The following POU2F1 variants were observed in gnomAD, a reference collection of about 807,000 sequenced individuals.
POU2F1 encodes POU domain, class 2, transcription factor 1.
A neutral mutation model predicts 84.9 loss-of-function variants in POU2F1; 16 were observed. The ratio of observed to expected loss-of-function variants is 0.19; its 90% CI spans 0.13 to 0.29. POU2F1 has a LOEUF of 0.29. Ranked by LOEUF, POU2F1 falls within the 10% of genes least tolerant of loss-of-function variation. POU2F1 has a pLI of 1.00. For missense variants in POU2F1, 738 were observed against 942.6 expected, an observed-to-expected ratio of 0.78 and a Z score of 2.84; for synonymous variants, 368 against 368.3, an observed-to-expected ratio of 1.00 and a Z score of 0.01.
At chr1:167,299,118 G>A (rs1031700005) in intron 1 of POU2F1, among the ~76,000 whole-genome samples, 27 of 134,798 alleles carry the variant, frequency 2.0e-4, no homozygotes, top group African/African-American at 6.2e-4. Context: ...AGCCGATATC[G>A]CACCATTGCA....
chr1:167,339,223 A>C lies in POU2F1; in HGVS notation c.127+6688A>C, dbSNP rs909319365. Among the ~76,000 whole-genome samples the C allele has an allele frequency of 4.6e-5, 7 of 151,286 alleles. No homozygotes were observed. In the East Asian group the frequency reaches 5.8e-4, roughly 13 times the overall value. ...TTCCATCATCATATTTCCTTCTCTA[A>C]CTCTCCTGTCCCCATCTTTTCTTTA... On this transcript the variant is annotated intron_variant, in intron 2 of 15. Coordinates refer to ENST00000367866, the MANE Select transcript of POU2F1 (RefSeq NM_002697.4).
At chr1:167,311,564 TAATGGAACTGAA>T in intron 1 of POU2F1, among the ~76,000 whole-genome samples, 1 of 152,188 alleles carries the variant, frequency 6.6e-6, no homozygotes. Context: ...CCATAGGTTA[TAATGGAACTGAA>T]AAATTCCTAT....
intron 9 of POU2F1, among the ~76,000 whole-genome samples, chr1:167,392,815 G>A (rs1215208721): frequency 6.6e-6 from 1 of 152,150 alleles, no homozygotes; most frequent in Non-Finnish European, 1.5e-5. Flanking sequence ...TGGAAAATCA[G>A]TCTATCAACC....
intron 2 of POU2F1, among the ~76,000 whole-genome samples, chr1:167,353,036 TG>T (rs1658685124): frequency 6.6e-6 from 1 of 152,206 alleles, no homozygotes; most frequent in Admixed American, 6.5e-5. Flanking sequence ...ATTTGATCCT[TG>T]ACTGCTGGCT....
At chr1:167,232,828 G>C (rs1649163438) in intron 1 of POU2F1, among the ~76,000 whole-genome samples, 1 of 150,252 alleles carries the variant, frequency 6.7e-6, no homozygotes, top group African/African-American at 2.5e-5. Context: ...GGGTGACAGA[G>C]TGTGAGACTC....
intron 1 of POU2F1, among the ~76,000 whole-genome samples, chr1:167,236,564 A>G (rs1001813206): frequency 6.6e-6 from 1 of 152,170 alleles, no homozygotes; most frequent in Non-Finnish European, 1.5e-5. Flanking sequence ...CTTCTTAAAT[A>G]TTCTCTTTCG....
intron 1 of POU2F1, among the ~76,000 whole-genome samples, chr1:167,267,056 C>T (rs1323234111): frequency 6.6e-6 from 1 of 151,888 alleles, no homozygotes; most frequent in East Asian, 1.9e-4. Context: ...CAACCCAATA[C>T]CTGTATTAAT....
intron 14 of POU2F1, 85 bp from the exon 15 acceptor site, chr1:167,412,941 C>T (rs762651300): frequency 2.8e-5 from 30 of 1,061,692 alleles, no homozygotes; most frequent in Non-Finnish European, 3.7e-5. Context: ...GCTGGATTTT[C>T]GTTTTGTAAG....
chr1:167,240,865 G>T (rs1018263992), intron 1 of POU2F1, among the ~76,000 whole-genome samples: 1 of 152,122 alleles, frequency 6.6e-6, no homozygotes, highest in African/African-American at 2.4e-5. Flanking sequence ...TGAAAAGGCC[G>T]GGCGCGGTGG....
chr1:167,280,707 T>C (rs1200276681), intron 1 of POU2F1, among the ~76,000 whole-genome samples: 5 of 152,248 alleles, frequency 3.3e-5, no homozygotes, highest in Non-Finnish European at 7.3e-5. Context: ...TTCTTTTGCA[T>C]GGTCTTTGAA....
chr1:167,262,290 C>T (rs1159967299), intron 1 of POU2F1, among the ~76,000 whole-genome samples: 5 of 152,140 alleles, frequency 3.3e-5, no homozygotes, highest in African/African-American at 1.2e-4. Context: ...CCTCAGCCTC[C>T]CAAGTAGCTG....
chr1:167,284,420 T>C (rs545793442), intron 1 of POU2F1, among the ~76,000 whole-genome samples: 2 of 152,332 alleles, frequency 1.3e-5, no homozygotes, highest in East Asian at 1.9e-4. Flanking sequence ...GCTTACCATC[T>C]TCAGTTACAT....
intron 1 of POU2F1, among the ~76,000 whole-genome samples, chr1:167,245,075 TA>T (rs1440432205): frequency 6.6e-6 from 1 of 152,128 alleles, no homozygotes; most frequent in Non-Finnish European, 1.5e-5. Flanking sequence ...AAAGCAGAAA[TA>T]AAACTTTTTA....
In POU2F1 at chr1:167,339,563, T is replaced by C. The variant is rs936575765; in HGVS notation, c.127+7028T>C. Among the ~76,000 whole-genome samples the C allele has an allele frequency of 3.2e-4, 48 of 152,226 alleles. 1 individual carries two copies. The highest frequency in any genetic ancestry group is 8.8e-5 in the Non-Finnish European group (6 of 68,040). On this transcript the variant is annotated intron_variant, in intron 2 of 15. Coordinates refer to ENST00000367866, the MANE Select transcript of POU2F1 (RefSeq NM_002697.4). ...CATTAAAGTTTTGCTCACTTTTAAC[T>C]CAAAGGGCAGACCTCTTTCATCAGT...
At chr1:167,326,838 A>T (rs1160772692) in intron 1 of POU2F1, among the ~76,000 whole-genome samples, 2 of 152,232 alleles carry the variant, frequency 1.3e-5, no homozygotes, top group East Asian at 3.8e-4. Context: ...AATATATGAA[A>T]GACCACACTC....
intron 1 of POU2F1, among the ~76,000 whole-genome samples, chr1:167,221,484 G>T (rs1648173611): frequency 6.7e-6 from 1 of 149,146 alleles, no homozygotes; most frequent in South Asian, 2.1e-4. Flanking sequence ...CACAATGCCG[G>T]GGAGGCGGCG....
intron 1 of POU2F1, among the ~76,000 whole-genome samples, chr1:167,304,943 A>G (rs1654957508): frequency 6.6e-6 from 1 of 152,232 alleles, no homozygotes; most frequent in East Asian, 1.9e-4. Flanking sequence ...TTAATATAAC[A>G]TTTCACATCT....
At chr1:167,293,807 A>G (rs549547664) in intron 1 of POU2F1, among the ~76,000 whole-genome samples, 2 of 152,308 alleles carry the variant, frequency 1.3e-5, no homozygotes, top group East Asian at 3.9e-4. Flanking sequence ...AAAGCCAAAT[A>G]TGTATAACCA....
At chr1:167,296,840 C>T (rs370749735) in intron 1 of POU2F1, among the ~76,000 whole-genome samples, 13 of 152,138 alleles carry the variant, frequency 8.5e-5, no homozygotes, top group South Asian at 4.1e-4. Context: ...GTGTGAAATA[C>T]GGGGACTGTT....
Sources: allele counts gnomAD v4.1 joint callset (sites outside exome capture counted in the v4.1 genomes callset), GRCh38; gene constraint gnomAD v4.1.1; transcripts MANE v1.5; gene names NCBI Gene and HGNC (gene_info 2026-07-23, HGNC 2026-07-21).